The following KPNB1 variants were observed in gnomAD, a reference collection of about 807,000 sequenced individuals.
KPNB1 encodes the protein karyopherin subunit beta 1.
A neutral mutation model predicts 113.0 loss-of-function variants in KPNB1; 7 were observed. The observed-to-expected ratio is 0.06, with a 90% confidence interval of 0.04 to 0.12. The LOEUF is 0.12. KPNB1 is among the 10% of genes least tolerant of loss of function. The probability of loss-of-function intolerance (pLI) is 1.00; values close to 1 mark genes in which losing one functional copy is unlikely to be tolerated. For synonymous variants in KPNB1, 363 were observed against 378.6 expected, an observed-to-expected ratio of 0.96 and a Z score of 0.48; for missense variants, 400 against 1,054.8, an observed-to-expected ratio of 0.38 and a Z score of 8.60.
intron 10 of KPNB1, 35 bp downstream of exon 10, chr17:47,668,445 A>G (rs754860357): frequency 2.0e-6 from 3 of 1,520,962 alleles, no homozygotes; most frequent in Non-Finnish European, 1.8e-6. Flanking sequence ...AGAAAGTAGG[A>G]TATTTATTGT....
intron 3 of KPNB1, among the ~76,000 whole-genome samples, chr17:47,653,354 G>C (rs1691962738): frequency 7.2e-6 from 1 of 138,412 alleles, no homozygotes. Context: ...GCTCACTGCA[G>C]CCTCCGCCTC....
chr17:47,652,800 A>T lies in KPNB1; in HGVS notation c.206A>T (p.Asp69Val). The part of the protein sequence containing the change: ...LQIKNSLTSK[D>V]PDIKAQYQQR... ...ATCAAGAACTCTTTGACATCTAAAGATCCAGATATCAAGGCACAATATCAG... is the reference window on the plus strand; with the variant it reads ...ATCAAGAACTCTTTGACATCTAAAGTTCCAGATATCAAGGCACAATATCAG... Residue 69 changes from aspartate (D) to valine (V), a missense_variant, in exon 3 of 22, where the codon GAT becomes GTT. Around this residue, in one of 2 missense-constraint regions of KPNB1, gnomAD observed 285 missense variants for 627.0 expected, o/e 0.45. Transcript: ENST00000290158. 1 of 1,612,230 alleles carries T rather than the reference A, an allele frequency of 6.2e-7. No homozygotes were observed.
chr17:47,669,644 T>C, intron 10 of KPNB1, 34 bp from the exon 11 acceptor site: 2 of 1,469,052 alleles, frequency 1.4e-6, no homozygotes, highest in Non-Finnish European at 9.4e-7. Flanking sequence ...TTTTAATCTT[T>C]GTTTTGCTTT....
Position 47,683,090 on chromosome 17 carries a change from TAAAAAAAAAAAAAAA to T in KPNB1, c.*701_*715del, listed in dbSNP as rs1157291179. 7.0e-4 allele frequency: 12 copies of T among 17,248 alleles called. No homozygotes were observed. Among genetic ancestry groups the T allele is most frequent in the Non-Finnish European group, 9.8e-4 (10 of 10,230 alleles). The allele number at this position is 17,248 out of a possible 1,614,324, so 1.1% of individuals were successfully genotyped here. A position where few individuals can be genotyped will look rare whatever the true frequency, so the allele number is the denominator to read the frequency against. The stretch of plus-strand genomic sequence containing the variant: ...GTTTACTGATGCAGCACAAGAGATG[TAAAAAAAAAAAAAAA>T]AAAAAAAAAAAAAACACACACACAG... On this transcript the variant is annotated 3_prime_UTR_variant, in exon 22 of 22. Coordinates refer to ENST00000290158, the MANE Select transcript of KPNB1 (RefSeq NM_002265.6).
At chr17:47,658,045 G>GAAT (rs1472295725) in intron 4 of KPNB1, among the ~76,000 whole-genome samples, 1 of 152,122 alleles carries the variant, frequency 6.6e-6, no homozygotes, top group Non-Finnish European at 1.5e-5. Context: ...TAGTGCCTGT[G>GAAT]AATAGCCACT....
chr17:47,679,704 C>CTT lies in KPNB1; in HGVS notation c.2354-307_2354-306dup, dbSNP rs562746175. 4.3e-4 allele frequency among the ~76,000 whole-genome samples: 62 copies of CTT among 144,318 alleles called. 1 individual carries two copies. The South Asian group carries it at 0.013, about 30-fold the overall frequency. 94.7% of individuals were successfully genotyped at this position (144,318 alleles called of 152,430 possible). A position where few individuals can be genotyped will look rare whatever the true frequency, so the allele number is the denominator to read the frequency against. On this transcript the variant is annotated intron_variant, in intron 19 of 21. Coordinates refer to ENST00000290158, the MANE Select transcript of KPNB1 (RefSeq NM_002265.6). ...CAGACCTTCTCTCTCTTTTTTTTTT[C>CTT]TTTTTTTTTTGAGATGGAATCTTGC...
intron 5 of KPNB1, among the ~76,000 whole-genome samples, chr17:47,660,007 T>G (rs1328115592): frequency 6.6e-6 from 1 of 152,208 alleles, no homozygotes; most frequent in African/African-American, 2.4e-5. Flanking sequence ...TCTTAAATCA[T>G]TTTTAAATGT....
Position 47,668,488 on chromosome 17 carries a change from C to T in KPNB1, c.1224+78C>T, listed in dbSNP as rs921357639. ...TAAAGCATATCTTTATTTTTCAAAACAAAACTGTAAATTGTCATCTACAAA... is the reference window on the plus strand; with the variant it reads ...TAAAGCATATCTTTATTTTTCAAAATAAAACTGTAAATTGTCATCTACAAA... On this transcript the variant is annotated intron_variant, in intron 10 of 21. Transcript: ENST00000290158. 7.0e-6 allele frequency: 8 copies of T among 1,138,342 alleles called. No individual in the cohort carries two copies. In the African/African-American group the frequency reaches 1.2e-4, roughly 18 times the overall value. 70.5% of individuals were successfully genotyped at this position (1,138,342 alleles called of 1,614,324 possible).
At chr17:47,681,055 T>TGTGTGTG (rs1567896335) in intron 21 of KPNB1, among the ~76,000 whole-genome samples, 5 of 147,126 alleles carry the variant, frequency 3.4e-5, no homozygotes, top group Non-Finnish European at 7.5e-5. Flanking sequence ...AAATGTTTTT[T>TGTGTGTG]TGTGTGTGTG....
chr17:47,665,043 T>C lies in KPNB1; in HGVS notation c.898-14T>C, dbSNP rs113034696. On this transcript the variant is annotated splice_polypyrimidine_tract_variant and intron_variant, in intron 8 of 21. Transcript: ENST00000290158. ...CGGTTGCTTTTGTCTAGAATTTGCT[T>C]TGTTTCTCCTCAGGCAGCAGAACAA... The C allele has an allele frequency of 6.2e-7, 1 of 1,612,958 alleles. No homozygotes were observed. The highest frequency in any genetic ancestry group is 8.5e-7 in the Non-Finnish European group (1 of 1,178,956).
At chr17:47,676,928 A>G in intron 16 of KPNB1, 92 bp from the exon 17 acceptor site, 1 of 920,836 alleles carries the variant, frequency 1.1e-6, no homozygotes, top group Non-Finnish European at 1.7e-6. Flanking sequence ...TCTAGGTTCA[A>G]GTGATAAAAG....
At chr17:47,656,719 G>A in intron 3 of KPNB1, 141 bp from the exon 4 acceptor site, 2 of 775,744 alleles carry the variant, frequency 2.6e-6, no homozygotes, top group Non-Finnish European at 4.2e-6. Context: ...CTGCACTCCA[G>A]TCCGGGCAAC....
chr17:47,658,426 T>C (rs1309500159), intron 4 of KPNB1, 82 bp from the exon 5 acceptor site: 3 of 1,429,940 alleles, frequency 2.1e-6, no homozygotes, highest in Non-Finnish European at 2.8e-6. Context: ...TTTCAATCCA[T>C]AGTTGTTTGA....
At chr17:47,675,361 G>GGTTT (rs2030566469) in intron 15 of KPNB1, among the ~76,000 whole-genome samples, 1 of 88,692 alleles carries the variant, frequency 1.1e-5, no homozygotes. Context: ...CAGAGGTGTT[G>GGTTT]TTTTTTTTTT....
At chr17:47,666,911 C>T (rs569472374) in intron 9 of KPNB1, among the ~76,000 whole-genome samples, 2 of 150,570 alleles carry the variant, frequency 1.3e-5, no homozygotes, top group Non-Finnish European at 3.0e-5. Flanking sequence ...GCCACTGCAC[C>T]CGGCCTCCTT....
At chr17:47,657,206 T>A (rs1180445419) in intron 4 of KPNB1, 146 bp downstream of exon 4, 2 of 695,820 alleles carry the variant, frequency 2.9e-6, no homozygotes, top group African/African-American at 3.6e-5. Context: ...TTATTTCCCT[T>A]AGGCCTGTGT....
chr17:47,680,391 G>C (rs2030736175), intron 20 of KPNB1, 117 bp from the exon 21 acceptor site: 2 of 1,201,878 alleles, frequency 1.7e-6, no homozygotes, highest in South Asian at 2.9e-5. Flanking sequence ...CCTCTACTGA[G>C]GGTTTTATTT....
intron 3 of KPNB1, among the ~76,000 whole-genome samples, chr17:47,656,363 A>G (rs1303553992): frequency 6.6e-6 from 1 of 152,064 alleles, no homozygotes; most frequent in Non-Finnish European, 1.5e-5. Flanking sequence ...TGGGCAACAT[A>G]GGGAGACCCC....
chr17:47,651,110 G>C (rs539587982), intron 2 of KPNB1: 4 of 547,360 alleles, frequency 7.3e-6, no homozygotes, highest in African/African-American at 6.2e-5. Context: ...TCTGCACCCA[G>C]AAAACAGACT....
Sources: allele counts gnomAD v4.1 joint callset (sites outside exome capture counted in the v4.1 genomes callset), GRCh38; gene constraint gnomAD v4.1.1; regional missense constraint gnomAD v4.1.1; transcripts MANE v1.5; gene names NCBI Gene and HGNC (gene_info 2026-07-23, HGNC 2026-07-21).